ARHGEF18: variants seen among roughly 807,000 people sequenced by gnomAD.
ARHGEF18 encodes the protein rho guanine nucleotide exchange factor 18.
ARHGEF18 carries 93 observed loss-of-function variants against 155.7 expected under a neutral mutation model. The observed-to-expected ratio is 0.60, with a 90% confidence interval of 0.50 to 0.71. The LOEUF (loss-of-function observed/expected upper bound fraction) is 0.71, where lower values mean the gene tolerates loss of function less well. Ranked by LOEUF, ARHGEF18 falls within the 30% of genes least tolerant of loss-of-function variation. The pLI is 0.00. For missense variants in ARHGEF18, 1,593 were observed against 1,816.1 expected, an observed-to-expected ratio of 0.88 and a Z score of 2.23; for synonymous variants, 742 against 753.1, an observed-to-expected ratio of 0.99 and a Z score of 0.24.
At chr19:7,455,350 C>G (rs577071171) in intron 17 of ARHGEF18, among the ~76,000 whole-genome samples, 43 of 152,322 alleles carry the variant, frequency 2.8e-4, no homozygotes, top group African/African-American at 8.9e-4. Flanking sequence ...AGGAAGCCAG[C>G]AGGCTGCAGT....
chr19:7,353,134 C>T (rs1208027522), intron 1 of ARHGEF18, among the ~76,000 whole-genome samples: 1 of 151,924 alleles, frequency 6.6e-6, no homozygotes, highest in East Asian at 1.9e-4. Flanking sequence ...CCGCGCCTGG[C>T]CCCTAGGTTT....
At chr19:7,430,875 T>C (rs1973918880) in intron 10 of ARHGEF18, among the ~76,000 whole-genome samples, 1 of 151,778 alleles carries the variant, frequency 6.6e-6, no homozygotes. Flanking sequence ...ATACCAACCA[T>C]CCTCAACCTA....
intron 23 of ARHGEF18, 96 bp downstream of exon 23, chr19:7,464,786 T>C (rs1976514760): frequency 4.0e-6 from 6 of 1,483,848 alleles, no homozygotes; most frequent in African/African-American, 1.4e-5. Flanking sequence ...TTTAGTCTTA[T>C]TAGCATCGAC....
Position 7,440,085 on chromosome 19 carries a change from GGAGC to G in ARHGEF18, c.968-258_968-255del. 1.9e-6 allele frequency: 3 copies of G among 1,550,126 alleles called. No homozygotes were observed. The highest frequency in any genetic ancestry group is 1.7e-6 in the Non-Finnish European group (2 of 1,146,504). On this transcript the variant is annotated intron_variant, in intron 10 of 28. Coordinates refer to ENST00000668164, the MANE Select transcript of ARHGEF18 (RefSeq NM_001367823.1). This position sits in a 1 kb window ranked among gnomAD's most constrained non-coding sequence, Gnocchi z 5.4. ...CCAGCCTGGCGCCGCGCCGGGTCCC[GGAGC>G]CCCGGGCGCGAACATGGGGAATGCG... is the stretch of plus-strand genomic sequence containing the variant.
downstream of ARHGEF18, among the ~76,000 whole-genome samples, chr19:7,474,524 A>G (rs925938715): frequency 2.2e-4 from 33 of 151,788 alleles, no homozygotes; most frequent in African/African-American, 7.7e-4. Flanking sequence ...GATTACAGGC[A>G]CCCACCATCA....
chr19:7,359,465 C>T (rs1969454459), intron 1 of ARHGEF18, among the ~76,000 whole-genome samples: 1 of 146,226 alleles, frequency 6.8e-6, no homozygotes, highest in Non-Finnish European at 1.5e-5. Flanking sequence ...GATCAAGATT[C>T]AGTCTATGAC....
chr19:7,358,102 C>A (rs1969386032), intron 1 of ARHGEF18, among the ~76,000 whole-genome samples: 1 of 152,122 alleles, frequency 6.6e-6, no homozygotes. Context: ...ACCATGCAGC[C>A]ATCCAACTAT....
At position 7,451,247 on chromosome 19, in the gene ARHGEF18, C is replaced by G; in HGVS notation, c.1836C>G (p.Arg612=). 3 of 1,612,606 alleles carry G rather than the reference C, an allele frequency of 1.9e-6. No individual in the cohort carries two copies. Among genetic ancestry groups the G allele is most frequent in the Non-Finnish European group, 2.5e-6 (3 of 1,179,630 alleles). Residue 612 remains arginine, a synonymous_variant, in exon 16 of 29, where the codon CGC becomes CGG. Coordinates refer to ENST00000668164, the MANE Select transcript of ARHGEF18 (RefSeq NM_001367823.1). ...RITKYPVLVE[R]IIQNTEAGTE... ...CCAAATACCCAGTGCTGGTGGAGCG[C>G]ATCATCCAGAACACGGAAGGTAGGC...
downstream of ARHGEF18, chr19:7,476,789 A>C: frequency 5.9e-6 from 1 of 170,262 alleles, no homozygotes. Context: ...GGGCTGGGGT[A>C]GTGTGGTTTC....
chr19:7,361,432 T>C (rs1216660950), intron 1 of ARHGEF18, among the ~76,000 whole-genome samples: 2 of 152,058 alleles, frequency 1.3e-5, no homozygotes, highest in Non-Finnish European at 2.9e-5. Flanking sequence ...AGTGAGGCTC[T>C]ATCTCAAAAA....
rs538572683 is a variant in ARHGEF18 at position 7,375,762 on chromosome 19, C to T, written c.318C>T (p.Leu106=). ...CAGCTGTGGATGAGGAACCCTGTCTCCCCCGAACACTGGCCAGCCTTGCTT... is the reference window on the plus strand; with the variant it reads ...CAGCTGTGGATGAGGAACCCTGTCTTCCCCGAACACTGGCCAGCCTTGCTT... The part of the protein sequence containing the change: ...DASAVDEEPC[L]PRTLASLALN... The change falls in exon 4 of 29, where the codon CTC becomes CTT. Residue 106 remains leucine, a synonymous_variant. Transcript: ENST00000668164. 8.9e-6 allele frequency: 11 copies of T among 1,234,518 alleles called. No individual in the cohort carries two copies. In the South Asian group the frequency reaches 3.3e-4, roughly 37 times the overall value. The allele number at this position is 1,234,518 out of a possible 1,614,324, so 76.5% of individuals were successfully genotyped here. A position where few individuals can be genotyped will look rare whatever the true frequency, so the allele number is the denominator to read the frequency against.
chr19:7,473,808 CAAAAAAAAA>C (rs35797777), downstream of ARHGEF18, among the ~76,000 whole-genome samples: 4 of 79,634 alleles, frequency 5.0e-5, no homozygotes, highest in East Asian at 3.6e-4. Flanking sequence ...GACTCCGTCT[CAAAAAAAAA>C]AAAAAAAAAA....
chr19:7,413,151 G>A (rs974169360), intron 10 of ARHGEF18, among the ~76,000 whole-genome samples: 4 of 152,124 alleles, frequency 2.6e-5, no homozygotes, highest in Non-Finnish European at 4.4e-5. Flanking sequence ...ATAGTTATGG[G>A]CTGGGTATGG....
At chr19:7,477,611 C>G in the ARHGEF18 span, among the ~76,000 whole-genome samples, 1 of 152,208 alleles carries the variant, frequency 6.6e-6, no homozygotes, top group Non-Finnish European at 1.5e-5. Flanking sequence ...CCATCACCCC[C>G]CCGACCCAAG....
chr19:7,428,455 C>A (rs376444702), intron 10 of ARHGEF18, among the ~76,000 whole-genome samples: 14 of 152,154 alleles, frequency 9.2e-5, no homozygotes, highest in African/African-American at 2.9e-4. Flanking sequence ...TGCAGTGGTG[C>A]GATCATAGCT....
chr19:7,437,337 G>C (rs62109762), intron 10 of ARHGEF18, among the ~76,000 whole-genome samples: 1 of 150,260 alleles, frequency 6.7e-6, no homozygotes, highest in Non-Finnish European at 1.5e-5. Flanking sequence ...CAGGAGAATC[G>C]CTTGAACCTG....
At chr19:7,355,739 C>T (rs888428487) in intron 1 of ARHGEF18, 1 of 983,508 alleles carries the variant, frequency 1.0e-6, no homozygotes, top group African/African-American at 1.7e-5. Flanking sequence ...GAGCCATCCA[C>T]CCAGGTGGGG....
intron 10 of ARHGEF18, among the ~76,000 whole-genome samples, chr19:7,438,988 C>T (rs1974449545): frequency 6.6e-6 from 1 of 152,142 alleles, no homozygotes; most frequent in Admixed American, 6.6e-5. Flanking sequence ...TTCCGTGCCT[C>T]AGCCTCCCGA....
chr19:7,454,604 A>T (rs935537670), intron 17 of ARHGEF18, among the ~76,000 whole-genome samples: 6 of 152,262 alleles, frequency 3.9e-5, no homozygotes, highest in Admixed American at 3.9e-4. Context: ...AAGTCTGGCT[A>T]CTTCATGGCT....
Sources: gnomAD v4.1 joint callset for allele counts (sites outside exome capture counted in the v4.1 genomes callset) on GRCh38, gnomAD v4.1.1 for gene constraint, Gnocchi (gnomAD v3.1) non-coding constraint, MANE v1.5 for transcripts, NCBI Gene and HGNC (gene_info 2026-07-23, HGNC 2026-07-21) for gene names.